The following KIAA0232 variants were observed in gnomAD, a reference collection of about 807,000 sequenced individuals.
KIAA0232 encodes the protein uncharacterized protein KIAA0232.
A neutral mutation model predicts 122.0 loss-of-function variants in KIAA0232; 27 were observed. The observed-to-expected ratio is 0.22, with a 90% CI of 0.16 to 0.31. The LOEUF is 0.31. Among genes scored for constraint, KIAA0232 ranks in the 10% least tolerant of loss-of-function variants. The pLI, the probability that KIAA0232 is intolerant of heterozygous loss-of-function variation, is 1.00. For missense variants in KIAA0232, 1,551 were observed against 1,634.2 expected (o/e 0.95, Z 0.88); for synonymous variants, 613 against 587.6 (o/e 1.04, Z -0.63).
At chr4:6,829,995 T>C (rs756826994) in intron 3 of KIAA0232, among the ~76,000 whole-genome samples, 4 of 152,230 alleles carry the variant, frequency 2.6e-5, no homozygotes, top group African/African-American at 7.2e-5. Flanking sequence ...TTTCTTGTTA[T>C]ACATTGATGT....
At position 6,863,018 on chromosome 4, in the gene KIAA0232, G is replaced by A. The variant is rs1720964543; in HGVS notation, c.2636G>A (p.Arg879Gln). 1.2e-6 allele frequency: 2 copies of A among 1,614,186 alleles called. No individual in the cohort carries two copies. Among genetic ancestry groups the A allele is most frequent in the South Asian group, 2.2e-5 (2 of 91,082 alleles). Residue 879 changes from arginine (R) to glutamine (Q), a missense_variant, in exon 7 of 10, where the codon CGG becomes CAG. Arg to Gln is a conservative substitution (Grantham distance 43). Transcript: ENST00000307659. ...CTTCAGGAGCCTGATAAGGCTGTGC[G>A]GAGGTCAGAGTACCATCTGTGGGAG... ...ETLQEPDKAV[R>Q]RSEYHLWEGQ... is the part of the protein sequence containing the mutation.
chr4:6,805,582 A>G lies in KIAA0232; in HGVS notation c.-270+976A>G, dbSNP rs576299951. Reference sequence around the variant, plus strand: ...TATGCTACCTTTACCTCACTCATTGAAACTCAGAAGATATTTGTGGTTTTG... The same window carrying G: ...TATGCTACCTTTACCTCACTCATTGGAACTCAGAAGATATTTGTGGTTTTG... On this transcript the variant is annotated intron_variant, in intron 2 of 9. Transcript: ENST00000307659. Among the ~76,000 whole-genome samples, 128 of 152,286 alleles carry G rather than the reference A, an allele frequency of 8.4e-4. 1 individual carries two copies. Among genetic ancestry groups the G allele is most frequent in the African/African-American group, 3.0e-3 (123 of 41,572 alleles).
At chr4:6,833,564 G>A (rs1577382098) in intron 3 of KIAA0232, among the ~76,000 whole-genome samples, 1 of 151,982 alleles carries the variant, frequency 6.6e-6, no homozygotes, top group Non-Finnish European at 1.5e-5. Context: ...CAGGGAGGTC[G>A]AGGCTGCAGT....
intron 2 of KIAA0232, among the ~76,000 whole-genome samples, chr4:6,811,273 A>G (rs562528452): frequency 2.0e-5 from 3 of 152,352 alleles, no homozygotes; most frequent in African/African-American, 7.2e-5. Context: ...AATGCTATTC[A>G]GACATAAAAA....
intron 7 of KIAA0232, among the ~76,000 whole-genome samples, chr4:6,870,994 T>C (rs2108829185): frequency 6.6e-6 from 1 of 152,354 alleles, no homozygotes; most frequent in South Asian, 2.1e-4. Context: ...AGCGTTTTTA[T>C]TACATTATAT....
rs1386321773 is a variant in KIAA0232, at chr4:6,882,548, G to A, written c.*1582G>A. The A allele has an allele frequency of 6.6e-6, 1 of 152,138 alleles. No homozygotes were observed. Among genetic ancestry groups the A allele is most frequent in the Non-Finnish European group, 1.5e-5 (1 of 68,030 alleles). The allele number at this position is 152,138 out of a possible 1,614,324, so 9.4% of individuals were successfully genotyped here. A position where few individuals can be genotyped will look rare whatever the true frequency, so the allele number is the denominator to read the frequency against. ...GTGTCCTCACCGAGAGGGACCTGGT[G>A]TGCCCGCCGGGTCGATCTTCCCACG... On this transcript the variant is annotated 3_prime_UTR_variant, in exon 10 of 10. Transcript: ENST00000307659.
At chr4:6,819,124 C>T (rs143725817) in intron 2 of KIAA0232, among the ~76,000 whole-genome samples, 45 of 152,068 alleles carry the variant, frequency 3.0e-4, no homozygotes, top group Non-Finnish European at 5.3e-4. Flanking sequence ...ACTATAAAAA[C>T]CCTAGGAAAA....
chr4:6,806,638 G>A (rs1717625819), intron 2 of KIAA0232, among the ~76,000 whole-genome samples: 1 of 150,392 alleles, frequency 6.6e-6, no homozygotes, highest in South Asian at 2.1e-4. Context: ...GGAGGCTGAG[G>A]CAGGAGAATG....
In KIAA0232 at chr4:6,863,536, C is replaced by G. The variant is rs1721004659; in HGVS notation, c.3154C>G (p.Leu1052Val). The change falls in exon 7 of 10, where the codon CTT becomes GTT. Residue 1052 changes from leucine to valine, a missense_variant. Physicochemically the swap from Leu to Val is conservative, Grantham distance 32. Around this residue, in one of 5 missense-constraint regions of KIAA0232, gnomAD observed 1,108 missense variants for 1,154.8 expected, o/e 0.96. Transcript: ENST00000307659. Reference sequence around the variant, plus strand: ...CTTAAGCAATCCATTTTCACAAGTTCTTCATGTAGAATGCTCATTTGAACC... The same window carrying G: ...CTTAAGCAATCCATTTTCACAAGTTGTTCATGTAGAATGCTCATTTGAACC... The part of the protein sequence containing the change: ...FDLSNPFSQV[L>V]HVECSFEPEG... The G allele has an allele frequency of 6.2e-7, 1 of 1,614,158 alleles. No homozygotes were observed. Among genetic ancestry groups the G allele is most frequent in the East Asian group, 2.2e-5 (1 of 44,888 alleles).
At chr4:6,843,185 C>CT (rs1241165549) in intron 4 of KIAA0232, among the ~76,000 whole-genome samples, 11 of 152,126 alleles carry the variant, frequency 7.2e-5, no homozygotes, top group Admixed American at 2.0e-4. Context: ...ATTATTCACT[C>CT]TAAGATGTTA....
intron 1 of KIAA0232, among the ~76,000 whole-genome samples, chr4:6,796,940 G>A (rs574483113): frequency 1.3e-5 from 2 of 152,300 alleles, no homozygotes; most frequent in South Asian, 2.1e-4. Context: ...CTTCTGTCCT[G>A]ATCATCTCAT....
chr4:6,850,488 CTTCT>C (rs1335792842), intron 4 of KIAA0232, among the ~76,000 whole-genome samples: 1 of 151,992 alleles, frequency 6.6e-6, no homozygotes, highest in Non-Finnish European at 1.5e-5. Context: ...ATTTTTGTAA[CTTCT>C]TTTAGTTAAA....
Position 6,871,690 on chromosome 4 carries a change from G to T in KIAA0232, c.3910+8G>T, listed in dbSNP as rs1183812064. ...CTGCATCAGAGTGTGAAGGTAAGGA[G>T]ACCTTTGTTAGTTCATTTATTCATT... is the stretch of plus-strand genomic sequence containing the variant. On this transcript the variant is annotated splice_region_variant and intron_variant, in intron 8 of 9. Coordinates refer to ENST00000307659, the MANE Select transcript of KIAA0232 (RefSeq NM_014743.3). 1 of 1,492,590 alleles carries T rather than the reference G, an allele frequency of 6.7e-7. No individual in the cohort carries two copies. The highest frequency in any genetic ancestry group is 1.4e-5 in the African/African-American group (1 of 71,832). 92.5% of individuals were successfully genotyped at this position (1,492,590 alleles called of 1,614,324 possible).
intron 1 of KIAA0232, among the ~76,000 whole-genome samples, chr4:6,802,199 A>T (rs1334851508): frequency 2.6e-5 from 4 of 152,150 alleles, no homozygotes; most frequent in Non-Finnish European, 4.4e-5. Context: ...GCCTTGGCCA[A>T]CCCCATTAGA....
chr4:6,823,934 C>T (rs776713404), intron 2 of KIAA0232, among the ~76,000 whole-genome samples: 6 of 152,074 alleles, frequency 3.9e-5, no homozygotes, highest in Non-Finnish European at 7.4e-5. Context: ...AGGACAGCCT[C>T]GAACTCCTGG....
intron 1 of KIAA0232, among the ~76,000 whole-genome samples, chr4:6,795,899 T>G (rs1268364632): frequency 6.6e-6 from 1 of 152,086 alleles, no homozygotes; most frequent in Admixed American, 6.5e-5. Context: ...CCTAGAAAAT[T>G]TTAATTACAT....
chr4:6,836,528 CT>C (rs1323217192), intron 3 of KIAA0232, among the ~76,000 whole-genome samples: 2,072 of 95,630 alleles, frequency 0.022, 61 homozygotes, highest in African/African-American at 0.07. Flanking sequence ...TGTCCTTTTT[CT>C]TTTTTTTTTT....
intron 1 of KIAA0232, among the ~76,000 whole-genome samples, chr4:6,799,235 A>G (rs923832568): frequency 2.8e-4 from 42 of 150,992 alleles, no homozygotes; most frequent in African/African-American, 9.8e-4. Flanking sequence ...CCCTCTTCTT[A>G]TAAGGACATC....
intron 3 of KIAA0232, among the ~76,000 whole-genome samples, chr4:6,827,478 C>T (rs925809449): frequency 3.3e-5 from 5 of 152,182 alleles, no homozygotes; most frequent in Non-Finnish European, 5.9e-5. Flanking sequence ...CCTGTGATAA[C>T]GCAGCCCCTC....
Sources: allele counts gnomAD v4.1 joint callset (sites outside exome capture counted in the v4.1 genomes callset), GRCh38; gene constraint gnomAD v4.1.1; regional missense constraint gnomAD v4.1.1; transcripts MANE v1.5; gene names NCBI Gene and HGNC (gene_info 2026-07-23, HGNC 2026-07-21).